EIF2AK1: variants seen among roughly 807,000 people sequenced by gnomAD.
EIF2AK1 encodes eukaryotic translation initiation factor 2-alpha kinase 1.
EIF2AK1 carries 54 observed loss-of-function variants against 77.9 expected under a neutral mutation model. The observed-to-expected ratio is 0.69, with a 90% confidence interval of 0.56 to 0.87. The LOEUF (loss-of-function observed/expected upper bound fraction) is 0.87, where lower values mean the gene tolerates loss of function less well. EIF2AK1 is among the 40% of genes least tolerant of loss of function. The pLI is 0.00. For synonymous variants in EIF2AK1, 314 were observed against 290.5 expected, an observed-to-expected ratio of 1.08 and a Z score of -0.82; for missense variants, 810 against 768.6, an observed-to-expected ratio of 1.05 and a Z score of -0.64.
chr7:6,053,563 CCAT>C (rs1464311877), intron 2 of EIF2AK1, among the ~76,000 whole-genome samples: 1 of 152,060 alleles, frequency 6.6e-6, no homozygotes, highest in Non-Finnish European at 1.5e-5. Flanking sequence ...CAGGGTTTCA[CCAT>C]GTTAGCCAGG....
chr7:6,045,603 C>G (rs1343295459), intron 6 of EIF2AK1, among the ~76,000 whole-genome samples: 1 of 151,950 alleles, frequency 6.6e-6, no homozygotes, highest in Non-Finnish European at 1.5e-5. Flanking sequence ...GCTCAGAGGA[C>G]TGGACAACTC....
At chr7:6,052,249 A>C (rs1788629064) in intron 2 of EIF2AK1, among the ~76,000 whole-genome samples, 1 of 151,772 alleles carries the variant, frequency 6.6e-6, no homozygotes, top group Non-Finnish European at 1.5e-5. Context: ...AGTAAAATTC[A>C]CAGGATTGCT....
In EIF2AK1 at chr7:6,027,851, G is replaced by C. The variant is rs1787793966; in HGVS notation, c.1530+764C>G. 1 of 389,464 alleles carries C rather than the reference G, an allele frequency of 2.6e-6. No individual in the cohort carries two copies. Among genetic ancestry groups the C allele is most frequent in the African/African-American group, 2.1e-5 (1 of 47,296 alleles). 24.1% of individuals were successfully genotyped at this position (389,464 alleles called of 1,614,324 possible). ...AGGCCAAGGGAGGAGAATCATTTGA[G>C]GCCAGGAGTTTGAGACCAACCTGGA... On this transcript the variant is annotated intron_variant, in intron 13 of 14. Transcript: ENST00000199389. The surrounding 1 kb of genome is among the most constrained non-coding windows in gnomAD (Gnocchi z 4.5).
intron 11 of EIF2AK1, among the ~76,000 whole-genome samples, chr7:6,030,338 G>A (rs1189498786): frequency 6.6e-6 from 1 of 152,150 alleles, no homozygotes; most frequent in Non-Finnish European, 1.5e-5. Context: ...GGTCTTGCAT[G>A]CTAGGAGATA....
At chr7:6,047,938 T>C (rs1261368059) in intron 4 of EIF2AK1, 1 of 152,188 alleles carries the variant, frequency 6.6e-6, no homozygotes, top group Non-Finnish European at 1.5e-5. Context: ...CATAGTGCAC[T>C]ACAGCCCAGG....
chr7:6,041,121 G>C lies in EIF2AK1; in HGVS notation c.890C>G (p.Thr297Ser). The change falls in exon 9 of 15, where the codon ACT (threonine) becomes AGT (serine). Residue 297 changes from threonine to serine, a missense_variant. Thr to Ser is a moderately conservative substitution (Grantham distance 58). Transcript: ENST00000199389. ...EKEKRFGESD[T>S]ENQNNKSVKY... ...CACCGACTTGTTATTCTGATTTTCAGTGTCAGATTCTCCAAAGCGTTTTTC... is the reference window on the plus strand; with the variant it reads ...CACCGACTTGTTATTCTGATTTTCACTGTCAGATTCTCCAAAGCGTTTTTC... 6.2e-7 allele frequency: 1 copy of C among 1,613,884 alleles called. No individual in the cohort carries two copies. Among genetic ancestry groups the C allele is most frequent in the Non-Finnish European group, 8.5e-7 (1 of 1,180,022 alleles).
At position 6,038,551 on chromosome 7, in the gene EIF2AK1, G is replaced by T; in HGVS notation, c.1231+9C>A. 2 of 1,604,668 alleles carry T rather than the reference G, an allele frequency of 1.2e-6. No homozygotes were observed. Among genetic ancestry groups the T allele is most frequent in the Non-Finnish European group, 1.7e-6 (2 of 1,174,572 alleles). On this transcript the variant is annotated intron_variant, in intron 10 of 14. Transcript: ENST00000199389. ...ATTTCCCGGCCCGGCAGACCCAGAT[G>T]GTACTCACAGGCAGACTCGTCCACA...
chr7:6,056,742 G>A (rs1355936492), intron 1 of EIF2AK1, among the ~76,000 whole-genome samples: 1 of 149,956 alleles, frequency 6.7e-6, no homozygotes, highest in Non-Finnish European at 1.5e-5. Flanking sequence ...GCTTATCTAA[G>A]ATCACTCCCT....
At chr7:6,040,130 G>A (rs1218258328) in intron 9 of EIF2AK1, among the ~76,000 whole-genome samples, 2 of 151,884 alleles carry the variant, frequency 1.3e-5, no homozygotes, top group Admixed American at 6.6e-5. Flanking sequence ...GCCCAGGCTG[G>A]AGTACGGTGC....
In EIF2AK1 at chr7:6,056,610, A is replaced by ATT. The variant is rs1788772530; in HGVS notation, c.119-1907_119-1906insAA. On this transcript the variant is annotated intron_variant, in intron 1 of 14. Transcript: ENST00000199389. Reference sequence around the variant, plus strand: ...CTCCATCTCAAGGGAAAAAAAAAAAAAAAATATATATATATATATATATAT... The same window carrying ATT: ...CTCCATCTCAAGGGAAAAAAAAAAAATTAAAATATATATATATATATATATAT... Among the ~76,000 whole-genome samples, 8 of 98,936 alleles carry ATT rather than the reference A, an allele frequency of 8.1e-5. 1 individual carries two copies. The highest frequency in any genetic ancestry group is 3.9e-4 in the African/African-American group (8 of 20,470). 64.9% of individuals were successfully genotyped at this position (98,936 alleles called of 152,430 possible). A position where few individuals can be genotyped will look rare whatever the true frequency, so the allele number is the denominator to read the frequency against.
chr7:6,052,584 TA>T (rs56106343), intron 2 of EIF2AK1, among the ~76,000 whole-genome samples: 58 of 97,148 alleles, frequency 6.0e-4, no homozygotes, highest in Middle Eastern at 8.9e-3. Flanking sequence ...ACTGTTTTGG[TA>T]AAAAAAAAAA....
chr7:6,045,109 ATTTTT>A (rs758550375), intron 6 of EIF2AK1, among the ~76,000 whole-genome samples: 1 of 144,370 alleles, frequency 6.9e-6, no homozygotes, highest in Non-Finnish European at 1.5e-5. Context: ...AATAATAGAA[ATTTTT>A]TTTTTTTTTT....
chr7:6,042,837 G>T, intron 8 of EIF2AK1, 96 bp downstream of exon 8: 1 of 1,024,498 alleles, frequency 9.8e-7, no homozygotes, highest in Non-Finnish European at 1.5e-6. Context: ...CTGCACTCTA[G>T]TCTGGGTGAC....
At chr7:6,044,017 T>A (rs1232300632) in intron 7 of EIF2AK1, among the ~76,000 whole-genome samples, 1 of 151,148 alleles carries the variant, frequency 6.6e-6, no homozygotes, top group South Asian at 2.1e-4. Flanking sequence ...AAGAATCACT[T>A]AAGCCCAGGA....
chr7:6,049,778 C>A (rs1394722754), intron 3 of EIF2AK1, 134 bp downstream of exon 3: 4 of 840,546 alleles, frequency 4.8e-6, no homozygotes, highest in South Asian at 1.8e-5. Context: ...TGAGCCACAC[C>A]ACCATGCCTG....
In EIF2AK1 at chr7:6,059,033, C is replaced by T. The variant is rs1199558990; in HGVS notation, c.51G>A (p.Gly17=). Residue 17 remains glycine, a synonymous_variant, in exon 1 of 15, where the codon GGG becomes GGA. Transcript: ENST00000199389. ...GVRKREEEGD[G]AGAVAAPPAI... ...CCGGCGGCGCAGCCACAGCCCCAGCCCCGTCGCCCTCCTCTTCGCGCTTGC... is the reference window on the plus strand; with the variant it reads ...CCGGCGGCGCAGCCACAGCCCCAGCTCCGTCGCCCTCCTCTTCGCGCTTGC... 1 of 1,521,716 alleles carries T rather than the reference C, an allele frequency of 6.6e-7. No individual in the cohort carries two copies. The allele number at this position is 1,521,716 out of a possible 1,614,324, so 94.3% of individuals were successfully genotyped here. A position where few individuals can be genotyped will look rare whatever the true frequency, so the allele number is the denominator to read the frequency against.
Position 6,035,815 on chromosome 7 carries a change from G to A in EIF2AK1, c.1332+1609C>T. On this transcript the variant is annotated intron_variant, in intron 11 of 14. Coordinates refer to ENST00000199389, the MANE Select transcript of EIF2AK1 (RefSeq NM_014413.4). The surrounding 1 kb of genome is among the most constrained non-coding windows in gnomAD (Gnocchi z 5.5). ...ATTGCCTATGGAGCAAACGTCAACTGTGCTGTCTCTTCCACGGGGAACACG... is the reference window on the plus strand; with the variant it reads ...ATTGCCTATGGAGCAAACGTCAACTATGCTGTCTCTTCCACGGGGAACACG... 1.3e-6 allele frequency: 2 copies of A among 1,550,240 alleles called. No homozygotes were observed. Among genetic ancestry groups the A allele is most frequent in the Non-Finnish European group, 1.7e-6 (2 of 1,146,408 alleles).
rs1277065169 is a variant in EIF2AK1, at chr7:6,027,935, CT to C, written c.1530+679del. On this transcript the variant is annotated intron_variant, in intron 13 of 14. Transcript: ENST00000199389. This position sits in a 1 kb window ranked among gnomAD's most constrained non-coding sequence, Gnocchi z 4.5. ...TTATTAGCTGGGTGTGGTAGCACAA[CT>C]CTTGAAGTCACAGTTACATGGGAGG... 1 of 454,000 alleles carries C rather than the reference CT, an allele frequency of 2.2e-6. No individual in the cohort carries two copies. The highest frequency in any genetic ancestry group is 4.4e-6 in the Non-Finnish European group (1 of 226,274). 28.1% of individuals were successfully genotyped at this position (454,000 alleles called of 1,614,324 possible).
intron 8 of EIF2AK1, 139 bp downstream of exon 8, chr7:6,042,794 A>G: frequency 1.6e-6 from 1 of 619,676 alleles, no homozygotes; most frequent in African/African-American, 1.8e-5. Context: ...GCAACACAGG[A>G]GGCGGAGGTT....
Sources: gnomAD v4.1 joint callset for allele counts (sites outside exome capture counted in the v4.1 genomes callset) on GRCh38, gnomAD v4.1.1 for gene constraint, Gnocchi (gnomAD v3.1) non-coding constraint, MANE v1.5 for transcripts, NCBI Gene and HGNC (gene_info 2026-07-23, HGNC 2026-07-21) for gene names.